SLC39A11: variants seen among roughly 807,000 people sequenced by gnomAD.
SLC39A11 encodes zinc transporter ZIP11.
A neutral mutation model predicts 36.1 loss-of-function variants in SLC39A11; 33 were observed. The ratio of observed to expected loss-of-function variants is 0.91; its 90% CI spans 0.69 to 1.22. The LOEUF is 1.22. Among genes scored for constraint, SLC39A11 ranks in the 50% most tolerant of loss-of-function variants. The probability of loss-of-function intolerance (pLI) is 0.00; values close to 1 mark genes in which losing one functional copy is unlikely to be tolerated. For synonymous variants in SLC39A11, 166 were observed against 170.3 expected (o/e 0.97, Z 0.20); for missense variants, 432 against 430.3 (o/e 1.00, Z -0.03).
At chr17:72,789,951 C>G (rs370009599) in intron 6 of SLC39A11, among the ~76,000 whole-genome samples, 3 of 152,138 alleles carry the variant, frequency 2.0e-5, no homozygotes, top group Non-Finnish European at 4.4e-5. Flanking sequence ...TCTGACTTCT[C>G]GTGGAGTGCC....
chr17:72,884,588 CTATCATGTTCAG>C (rs1228387924), intron 5 of SLC39A11, among the ~76,000 whole-genome samples: 1 of 152,216 alleles, frequency 6.6e-6, no homozygotes, highest in Non-Finnish European at 1.5e-5. Flanking sequence ...TGGTTCTAAA[CTATCATGTTCAG>C]TATCTTAAGG....
intron 6 of SLC39A11, among the ~76,000 whole-genome samples, chr17:72,761,862 A>G (rs2075590784): frequency 6.6e-6 from 1 of 152,238 alleles, no homozygotes; most frequent in South Asian, 2.1e-4. Context: ...AGTGAGAGAA[A>G]GGCATGCAGG....
In SLC39A11 at chr17:72,897,052, C is replaced by CAAAAAAAAA. The variant is rs10656675; in HGVS notation, c.431-47257_431-47249dup. Among the ~76,000 whole-genome samples the CAAAAAAAAA allele has an allele frequency of 1.0e-3, 64 of 64,158 alleles. 3 individuals carry two copies. The highest frequency in any genetic ancestry group is 2.0e-3 in the African/African-American group (25 of 12,396). 42.1% of individuals were successfully genotyped at this position (64,158 alleles called of 152,430 possible). ...TGGGCGACAGAGTAAGACTCTGTCT[C>CAAAAAAAAA]AAAAAAAAAAAAAAAAAAACAAACA... On this transcript the variant is annotated intron_variant, in intron 5 of 9. Coordinates refer to ENST00000255559, the MANE Select transcript of SLC39A11 (RefSeq NM_139177.4).
intron 5 of SLC39A11, among the ~76,000 whole-genome samples, chr17:72,927,132 C>A (rs1362397085): frequency 6.6e-6 from 1 of 152,188 alleles, no homozygotes; most frequent in Non-Finnish European, 1.5e-5. Flanking sequence ...CAGCAACCTC[C>A]ACCTCCTGGG....
intron 5 of SLC39A11, among the ~76,000 whole-genome samples, chr17:72,880,534 C>A (rs1461248826): frequency 6.6e-6 from 1 of 152,044 alleles, no homozygotes; most frequent in Non-Finnish European, 1.5e-5. Flanking sequence ...GATCTCTCAA[C>A]TGCACTCCAG....
intron 7 of SLC39A11, among the ~76,000 whole-genome samples, chr17:72,674,894 C>T (rs1354432663): frequency 1.3e-5 from 2 of 151,968 alleles, no homozygotes; most frequent in Non-Finnish European, 2.9e-5. Flanking sequence ...ATCAAAATGT[C>T]CTTATTCTTA....
At chr17:72,903,591 C>T (rs931510538) in intron 5 of SLC39A11, among the ~76,000 whole-genome samples, 2 of 152,200 alleles carry the variant, frequency 1.3e-5, no homozygotes, top group Admixed American at 1.3e-4. Context: ...GCAGCCAAGC[C>T]CCCGGGTAAT....
chr17:72,763,367 A>G (rs752491150), intron 6 of SLC39A11, among the ~76,000 whole-genome samples: 69 of 152,366 alleles, frequency 4.5e-4, no homozygotes, highest in Non-Finnish European at 7.9e-4. Context: ...CAACCTAATG[A>G]GTTTTAGAAA....
intron 7 of SLC39A11, among the ~76,000 whole-genome samples, chr17:72,695,846 G>A (rs1366210417): frequency 1.3e-5 from 2 of 152,214 alleles, no homozygotes; most frequent in African/African-American, 4.8e-5. Context: ...GAGCTGGAAA[G>A]CAGCAAGGAA....
intron 7 of SLC39A11, among the ~76,000 whole-genome samples, chr17:72,718,433 C>T (rs1023681085): frequency 1.3e-5 from 2 of 152,120 alleles, no homozygotes; most frequent in African/African-American, 4.8e-5. Flanking sequence ...AGCAAGACTC[C>T]ATCTCAGGGG....
At chr17:72,648,439 A>G (rs535188134) in intron 9 of SLC39A11, among the ~76,000 whole-genome samples, 11 of 152,186 alleles carry the variant, frequency 7.2e-5, no homozygotes, top group Admixed American at 3.3e-4. Flanking sequence ...TAGCCAGTGA[A>G]GACATGCATG....
chr17:72,805,012 C>G (rs1379431714), intron 6 of SLC39A11, among the ~76,000 whole-genome samples: 1 of 152,092 alleles, frequency 6.6e-6, no homozygotes, highest in Admixed American at 6.5e-5. Context: ...AAGACTCCAT[C>G]TCACAAATAA....
chr17:73,047,309 C>T (rs1173380854), intron 3 of SLC39A11, among the ~76,000 whole-genome samples: 3 of 152,044 alleles, frequency 2.0e-5, no homozygotes, highest in Non-Finnish European at 4.4e-5. Flanking sequence ...CAGGCGTGAG[C>T]CACCGCGCCC....
At chr17:72,975,796 G>A (rs2087798565) in intron 4 of SLC39A11, among the ~76,000 whole-genome samples, 2 of 152,174 alleles carry the variant, frequency 1.3e-5, no homozygotes, top group African/African-American at 4.8e-5. Flanking sequence ...TTAGGTAAAA[G>A]TCCTGGTAGT....
At chr17:72,986,236 C>A (rs2088742657) in intron 4 of SLC39A11, among the ~76,000 whole-genome samples, 1 of 152,208 alleles carries the variant, frequency 6.6e-6, no homozygotes, top group Non-Finnish European at 1.5e-5. Flanking sequence ...CCCCCAGAAG[C>A]CTGACGGCTG....
rs532825051 is a variant in SLC39A11, at chr17:73,058,070, G to C, written c.148-26356C>G. Among the ~76,000 whole-genome samples the C allele has an allele frequency of 2.3e-4, 34 of 151,048 alleles. No individual in the cohort carries two copies. The Middle Eastern group carries it at 0.024, about 106-fold the overall frequency. ...CTGTGGGAAAAGTCTCCATTTGTGG[G>C]GTGTGTCCCTCTTTGCACCCTAAAT... On this transcript the variant is annotated intron_variant, in intron 3 of 9. Coordinates refer to ENST00000255559, the MANE Select transcript of SLC39A11 (RefSeq NM_139177.4).
At chr17:73,014,931 C>T (rs1447716497) in intron 4 of SLC39A11, among the ~76,000 whole-genome samples, 1 of 152,196 alleles carries the variant, frequency 6.6e-6, no homozygotes, top group Admixed American at 6.5e-5. Flanking sequence ...CGCCCCTGAG[C>T]CACTGGTTCA....
intron 4 of SLC39A11, among the ~76,000 whole-genome samples, chr17:73,016,339 T>A (rs1180586552): frequency 1.2e-5 from 1 of 86,676 alleles, no homozygotes; most frequent in Non-Finnish European, 2.0e-5. Flanking sequence ...AGAAAGTTGA[T>A]TTTTTTTTTT....
At chr17:72,959,670 C>T (rs1216569908) in intron 4 of SLC39A11, among the ~76,000 whole-genome samples, 1 of 151,952 alleles carries the variant, frequency 6.6e-6, no homozygotes, top group Non-Finnish European at 1.5e-5. Flanking sequence ...CACTAAAGAA[C>T]TTACTCATGT....
Sources: gnomAD v4.1 joint callset for allele counts (sites outside exome capture counted in the v4.1 genomes callset) on GRCh38, gnomAD v4.1.1 for gene constraint, MANE v1.5 for transcripts, NCBI Gene and HGNC (gene_info 2026-07-23, HGNC 2026-07-21) for gene names.